LHFPL3: variants seen among roughly 807,000 people sequenced by gnomAD.
LHFPL3 encodes the protein LHFPL tetraspan subfamily member 3.
LHFPL3 carries 5 observed loss-of-function variants against 19.3 expected under a neutral mutation model. The observed-to-expected ratio is 0.26, with a 90% CI of 0.14 to 0.54. The LOEUF (loss-of-function observed/expected upper bound fraction) is 0.54, where lower values mean the gene tolerates loss of function less well. Among genes scored for constraint, LHFPL3 ranks in the 20% least tolerant of loss-of-function variants. The probability of loss-of-function intolerance (pLI) is 0.94; values close to 1 mark genes in which losing one functional copy is unlikely to be tolerated. For synonymous variants in LHFPL3, 133 were observed against 126.2 expected (o/e 1.05, Z -0.36); for missense variants, 249 against 307.4 (o/e 0.81, Z 1.42).
At chr7:104,764,534 G>A (rs1794424452) in intron 2 of LHFPL3, among the ~76,000 whole-genome samples, 1 of 152,180 alleles carries the variant, frequency 6.6e-6, no homozygotes, top group Non-Finnish European at 1.5e-5. Context: ...GGCATAGCTT[G>A]AGCTAGGTGT....
At chr7:104,479,120 G>A (rs927803574) in intron 1 of LHFPL3, among the ~76,000 whole-genome samples, 1 of 152,166 alleles carries the variant, frequency 6.6e-6, no homozygotes, top group African/African-American at 2.4e-5. Flanking sequence ...AGGACTTCCT[G>A]CTGGAAGAAA....
intron 1 of LHFPL3, among the ~76,000 whole-genome samples, chr7:104,671,275 A>G (rs1008038828): frequency 1.6e-4 from 24 of 152,016 alleles, no homozygotes; most frequent in Non-Finnish European, 2.9e-5. Context: ...AAAAAAAACT[A>G]TTGATTGTAG....
intron 1 of LHFPL3, among the ~76,000 whole-genome samples, chr7:104,727,323 G>T (rs1793610520): frequency 6.6e-6 from 1 of 152,060 alleles, no homozygotes; most frequent in Non-Finnish European, 1.5e-5. Flanking sequence ...AAGCTCTTTA[G>T]TTTAATTAAA....
chr7:104,504,704 T>C (rs1793663506), intron 1 of LHFPL3, among the ~76,000 whole-genome samples: 1 of 152,208 alleles, frequency 6.6e-6, no homozygotes, highest in Non-Finnish European at 1.5e-5. Flanking sequence ...ACCCACATTA[T>C]ACTAGGACAA....
intron 1 of LHFPL3, among the ~76,000 whole-genome samples, chr7:104,566,087 C>T (rs1225531124): frequency 6.6e-6 from 1 of 152,072 alleles, no homozygotes; most frequent in African/African-American, 2.4e-5. Context: ...ATGGCTCATA[C>T]CTGTAATCCC....
chr7:104,412,233 G>T (rs1225483923), intron 1 of LHFPL3, among the ~76,000 whole-genome samples: 3 of 151,906 alleles, frequency 2.0e-5, no homozygotes, highest in Non-Finnish European at 4.4e-5. Context: ...GCAATCCCTT[G>T]AGGGGGTGTG....
At chr7:104,893,907 G>A (rs973123494) in intron 2 of LHFPL3, among the ~76,000 whole-genome samples, 5 of 150,692 alleles carry the variant, frequency 3.3e-5, no homozygotes, top group African/African-American at 4.9e-5. Context: ...AGCAGAGATC[G>A]CACCACTGCA....
At chr7:104,519,994 G>T (rs1189686528) in intron 1 of LHFPL3, among the ~76,000 whole-genome samples, 2 of 152,042 alleles carry the variant, frequency 1.3e-5, no homozygotes, top group Admixed American at 1.3e-4. Flanking sequence ...AAGAAAATTA[G>T]TGGTGAGAAA....
chr7:104,729,938 TC>T (rs1232061169), intron 1 of LHFPL3, among the ~76,000 whole-genome samples: 1 of 151,716 alleles, frequency 6.6e-6, no homozygotes, highest in African/African-American at 2.4e-5. Flanking sequence ...ATGTTCCCCT[TC>T]CTGTGTCCAA....
At chr7:104,832,457 A>G (rs1790971701) in intron 2 of LHFPL3, among the ~76,000 whole-genome samples, 1 of 151,836 alleles carries the variant, frequency 6.6e-6, no homozygotes, top group South Asian at 2.1e-4. Flanking sequence ...GTGTCATCGC[A>G]TAATACTCCT....
chr7:104,768,064 T>C (rs1794487407), intron 2 of LHFPL3, among the ~76,000 whole-genome samples: 1 of 151,740 alleles, frequency 6.6e-6, no homozygotes, highest in African/African-American at 2.4e-5. Flanking sequence ...TACTGACTTC[T>C]TCCCCATCAG....
intron 1 of LHFPL3, among the ~76,000 whole-genome samples, chr7:104,523,035 CAT>C (rs956516932): frequency 4.6e-5 from 7 of 151,954 alleles, no homozygotes; most frequent in East Asian, 1.9e-4. Context: ...CATATACACA[CAT>C]ATGCACATTA....
intron 1 of LHFPL3, among the ~76,000 whole-genome samples, chr7:104,516,407 CA>C (rs1292041166): frequency 6.6e-6 from 1 of 152,086 alleles, no homozygotes; most frequent in African/African-American, 2.4e-5. Context: ...ACCATATCAA[CA>C]AATTTCCATT....
chr7:104,397,470 G>T (rs1343259509), intron 1 of LHFPL3, among the ~76,000 whole-genome samples: 1 of 152,092 alleles, frequency 6.6e-6, no homozygotes, highest in Admixed American at 6.5e-5. Flanking sequence ...TATTCCTGGG[G>T]ATTCATGGTT....
chr7:104,347,074 C>T (rs1790083917), intron 1 of LHFPL3, among the ~76,000 whole-genome samples: 1 of 151,526 alleles, frequency 6.6e-6, no homozygotes, highest in South Asian at 2.1e-4. Flanking sequence ...AAAAATAGTA[C>T]CTATCTCAGA....
chr7:104,771,476 C>T (rs753430744), intron 2 of LHFPL3, among the ~76,000 whole-genome samples: 15 of 152,096 alleles, frequency 9.9e-5, no homozygotes, highest in Non-Finnish European at 2.1e-4. Context: ...CCATTTGATA[C>T]ATTATTTGCT....
At chr7:104,808,497 A>G (rs557067981) in intron 2 of LHFPL3, among the ~76,000 whole-genome samples, 3 of 152,292 alleles carry the variant, frequency 2.0e-5, no homozygotes, top group South Asian at 4.1e-4. Flanking sequence ...CTGCGGCGCA[A>G]TAAGTATTTT....
chr7:104,886,034 G>C (rs541616532), intron 2 of LHFPL3, among the ~76,000 whole-genome samples: 1 of 152,202 alleles, frequency 6.6e-6, no homozygotes, highest in East Asian at 1.9e-4. Flanking sequence ...CAAAATAACA[G>C]CTGGCTTCTC....
intron 1 of LHFPL3, among the ~76,000 whole-genome samples, chr7:104,460,257 G>A (rs1792631136): frequency 6.6e-6 from 1 of 152,132 alleles, no homozygotes; most frequent in Non-Finnish European, 1.5e-5. Context: ...CCGTTGATGA[G>A]CATTTCAGTT....
Sources: allele counts gnomAD v4.1 joint callset (sites outside exome capture counted in the v4.1 genomes callset), GRCh38; gene constraint gnomAD v4.1.1; transcripts MANE v1.5; gene names NCBI Gene and HGNC (gene_info 2026-07-23, HGNC 2026-07-21).